Variants in CGNL1 observed in about 807,000 individuals in gnomAD.
CGNL1 encodes cingulin-like protein 1.
In CGNL1, 132 loss-of-function variants were observed where a neutral mutation model predicts 141.2. The observed-to-expected ratio is 0.93, with a 90% CI of 0.81 to 1.08. CGNL1 has a LOEUF of 1.08. CGNL1 is among the 50% of genes least tolerant of loss of function. CGNL1 has a pLI of 0.00. For synonymous variants in CGNL1, 690 were observed against 622.1 expected (o/e 1.11, Z -1.63); for missense variants, 1,870 against 1,588.6 (o/e 1.18, Z -3.01).
intron 13 of CGNL1, 144 bp from the exon 14 acceptor site, chr15:57,531,546 T>A: frequency 1.6e-6 from 1 of 637,266 alleles, no homozygotes; most frequent in Non-Finnish European, 2.9e-6. Flanking sequence ...TTGGGCAATG[T>A]AAGAAATAGA....
At chr15:57,453,181 A>G (rs1171872057) in intron 6 of CGNL1, among the ~76,000 whole-genome samples, 1 of 152,084 alleles carries the variant, frequency 6.6e-6, no homozygotes, top group Admixed American at 6.5e-5. Context: ...CAGCTCTGCC[A>G]TTGTGTCGTG....
At chr15:57,473,896 CTTCTTTTTTTTTTTTT>C (rs1326255675) in intron 8 of CGNL1, among the ~76,000 whole-genome samples, 2 of 110,084 alleles carry the variant, frequency 1.8e-5, no homozygotes, top group East Asian at 7.2e-4. Flanking sequence ...TCTTCTTCTT[CTTCTTTTTTTTTTTTT>C]TTTTTTTTTT....
At position 57,438,537 on chromosome 15, in the gene CGNL1, G is replaced by T. The variant is rs1440907783; in HGVS notation, c.538G>T (p.Glu180Ter). 2 of 1,613,938 alleles carry T rather than the reference G, an allele frequency of 1.2e-6. No homozygotes were observed. Among genetic ancestry groups the T allele is most frequent in the Non-Finnish European group, 1.7e-6 (2 of 1,180,036 alleles). ...SESNWLKTLT[E>*]EGINNKKPWT... is the part of the protein sequence containing the mutation. Reference sequence around the variant, plus strand: ...GAGTAATTGGCTAAAAACGTTGACAGAAGAAGGCATCAACAATAAGAAGCC... The same window carrying T: ...GAGTAATTGGCTAAAAACGTTGACATAAGAAGGCATCAACAATAAGAAGCC... The change falls in exon 2 of 19, where the codon GAA becomes TAA. Residue 180 changes from glutamate (E) to a stop codon, truncating the protein, a stop_gained. Coordinates refer to ENST00000281282, the MANE Select transcript of CGNL1 (RefSeq NM_032866.5). LOFTEE classifies it high-confidence loss of function.
intron 13 of CGNL1, among the ~76,000 whole-genome samples, chr15:57,530,701 T>A (rs550319483): frequency 6.6e-6 from 1 of 152,036 alleles, no homozygotes; most frequent in African/African-American, 2.4e-5. Context: ...TGGGTGAGGG[T>A]TTTCTAACTT....
intron 1 of CGNL1, among the ~76,000 whole-genome samples, chr15:57,387,325 T>C (rs2062495081): frequency 6.6e-6 from 1 of 152,230 alleles, no homozygotes; most frequent in African/African-American, 2.4e-5. Context: ...CAAGCCTCAG[T>C]GTCATCAGGC....
At chr15:57,437,438 G>T (rs2152304101) in intron 1 of CGNL1, among the ~76,000 whole-genome samples, 1 of 151,778 alleles carries the variant, frequency 6.6e-6, no homozygotes, top group Non-Finnish European at 1.5e-5. Context: ...GGGTAAAAAA[G>T]GCTGAAAGTG....
chr15:57,379,279 C>T (rs189243166), intron 1 of CGNL1, among the ~76,000 whole-genome samples: 1 of 152,204 alleles, frequency 6.6e-6, no homozygotes, highest in Non-Finnish European at 1.5e-5. Flanking sequence ...AAATGTGGGC[C>T]TAAGCACATT....
chr15:57,495,808 C>T (rs1030117628), intron 8 of CGNL1, among the ~76,000 whole-genome samples: 1 of 152,136 alleles, frequency 6.6e-6, no homozygotes, highest in Non-Finnish European at 1.5e-5. Flanking sequence ...AGCATTAGGT[C>T]CCAGTGCCAT....
At position 57,396,277 on chromosome 15, in the gene CGNL1, G is replaced by GCT. The variant is rs1389239717; in HGVS notation, c.-16+19710_-16+19711insCT. Among the ~76,000 whole-genome samples the GCT allele has an allele frequency of 1.2e-4, 16 of 129,218 alleles. 1 individual carries two copies. Among genetic ancestry groups the GCT allele is most frequent in the African/African-American group, 4.7e-4 (16 of 33,900 alleles). 84.8% of individuals were successfully genotyped at this position (129,218 alleles called of 152,430 possible). A position where few individuals can be genotyped will look rare whatever the true frequency, so the allele number is the denominator to read the frequency against. On this transcript the variant is annotated intron_variant, in intron 1 of 18. Transcript: ENST00000281282. ...ATTGTGCTACTTACTTTCTTTCTTT[G>GCT]TTTTTTTTTTTTTTTTTGGAAACAG... is the stretch of plus-strand genomic sequence containing the variant.
rs146940267 is a variant in CGNL1 at position 57,544,578 on chromosome 15, C to T, written c.3481C>T (p.Arg1161Cys). Reference sequence around the variant, plus strand: ...GGCCAGGATCGCGGAGCTGGAGGACCGCCTGGAGAGTGAGGAGAGGTGAGC... The same window carrying T: ...GGCCAGGATCGCGGAGCTGGAGGACTGCCTGGAGAGTGAGGAGAGGTGAGC... ...MEARIAELED[R>C]LESEERDRAN... Residue 1161 changes from arginine to cysteine, a missense_variant, in exon 16 of 19, where the codon CGC (arginine) becomes TGC (cysteine). Arg to Cys is a radical substitution (Grantham distance 180, BLOSUM62 -3). Coordinates refer to ENST00000281282, the MANE Select transcript of CGNL1 (RefSeq NM_032866.5). 3.0e-5 allele frequency: 47 copies of T among 1,589,202 alleles called. No individual in the cohort carries two copies. The African/African-American group carries it at 3.2e-4, about 11-fold the overall frequency.
chr15:57,505,122 C>T (rs147825557), intron 8 of CGNL1, among the ~76,000 whole-genome samples: 197 of 152,112 alleles, frequency 1.3e-3, no homozygotes, highest in African/African-American at 4.6e-3. Flanking sequence ...TCTAAGAGGA[C>T]GGGGGCCAAA....
intron 1 of CGNL1, among the ~76,000 whole-genome samples, chr15:57,381,387 C>A (rs1437775096): frequency 1.3e-5 from 2 of 152,106 alleles, no homozygotes; most frequent in African/African-American, 2.4e-5. Context: ...TGCTGAAATA[C>A]CGCCTCTACA....
At chr15:57,458,051 C>T (rs558731096) in intron 7 of CGNL1, among the ~76,000 whole-genome samples, 1 of 152,294 alleles carries the variant, frequency 6.6e-6, no homozygotes, top group South Asian at 2.1e-4. Flanking sequence ...AATCTCAGAG[C>T]TTCGTTCGTT....
chr15:57,452,736 A>G (rs779820075), intron 6 of CGNL1, among the ~76,000 whole-genome samples: 2 of 152,126 alleles, frequency 1.3e-5, no homozygotes, highest in African/African-American at 2.4e-5. Flanking sequence ...GTCTACAGAG[A>G]AGGAAAGTTA....
Position 57,452,168 on chromosome 15 carries a change from G to C in CGNL1, c.1933G>C (p.Glu645Gln). ...KNQQNIKEER[E>Q]RMRANLEELR... is the part of the protein sequence containing the mutation. ...TCAACAGAACATTAAAGAAGAGAGA[G>C]AGAGGATGAGAGCAAACCTAGAAGA... Residue 645 changes from glutamate to glutamine, a missense_variant, in exon 6 of 19, where the codon GAG (glutamate) becomes CAG (glutamine). Coordinates refer to ENST00000281282, the MANE Select transcript of CGNL1 (RefSeq NM_032866.5). 1 of 1,613,804 alleles carries C rather than the reference G, an allele frequency of 6.2e-7. No homozygotes were observed. The highest frequency in any genetic ancestry group is 8.5e-7 in the Non-Finnish European group (1 of 1,179,876).
chr15:57,527,405 A>G (rs1160029817), intron 12 of CGNL1: 1 of 152,242 alleles, frequency 6.6e-6, no homozygotes, highest in African/African-American at 2.4e-5. Context: ...ATTCACTTTC[A>G]TATACTCTGA....
chr15:57,418,170 C>T (rs1388893539), intron 1 of CGNL1, among the ~76,000 whole-genome samples: 1 of 152,052 alleles, frequency 6.6e-6, no homozygotes, highest in Non-Finnish European at 1.5e-5. Flanking sequence ...ATCAGGGATG[C>T]TGGGTTCTCA....
At chr15:57,414,661 A>AAACAAT (rs1555432021) in intron 1 of CGNL1, among the ~76,000 whole-genome samples, 1 of 151,240 alleles carries the variant, frequency 6.6e-6, no homozygotes, top group Admixed American at 6.6e-5. Context: ...TTTAAAACCA[A>AAACAAT]AACAACAACA....
intron 8 of CGNL1, among the ~76,000 whole-genome samples, chr15:57,514,310 C>T (rs1175873660): frequency 1.3e-5 from 2 of 152,054 alleles, no homozygotes; most frequent in Non-Finnish European, 2.9e-5. Flanking sequence ...CACCACCACA[C>T]CTGGCTGATT....
Sources: allele counts gnomAD v4.1 joint callset (sites outside exome capture counted in the v4.1 genomes callset), GRCh38; gene constraint gnomAD v4.1.1; transcripts MANE v1.5; gene names NCBI Gene and HGNC (gene_info 2026-07-23, HGNC 2026-07-21).